The following TLN2 variants were observed in gnomAD, a reference collection of about 807,000 sequenced individuals.
The protein encoded by TLN2 is talin 2.
In TLN2, 118 loss-of-function variants were observed where a neutral mutation model predicts 294.7. The ratio of observed to expected loss-of-function variants is 0.40; its 90% CI spans 0.34 to 0.47. The LOEUF is 0.47. Ranked by LOEUF, TLN2 falls within the 20% of genes least tolerant of loss-of-function variation. The pLI is 0.84. For synonymous variants in TLN2, 1,431 were observed against 1,304.5 expected (o/e 1.10, Z -2.09); for missense variants, 3,083 against 3,282.2 (o/e 0.94, Z 1.48).
intron 1 of TLN2, among the ~76,000 whole-genome samples, chr15:62,587,412 C>G (rs2045698104): frequency 6.6e-6 from 1 of 152,156 alleles, no homozygotes; most frequent in Non-Finnish European, 1.5e-5. Flanking sequence ...GATAAACATC[C>G]TTCTAGACAT....
At chr15:62,694,008 G>A (rs181565777) in intron 13 of TLN2, among the ~76,000 whole-genome samples, 3 of 127,862 alleles carry the variant, frequency 2.3e-5, no homozygotes, top group Admixed American at 8.9e-5. Flanking sequence ...TCCCTCAGTC[G>A]CCCAGGCTGG....
rs774120515 is a variant in TLN2, at chr15:62,652,142, T to A, written c.364+8T>A. ...CTATTTGTAGCAGAATAGGTGAGCA[T>A]TCATACACCTTCATTATGTCTTTTT... On this transcript the variant is annotated splice_region_variant and intron_variant, in intron 6 of 58. Coordinates refer to ENST00000636159, the MANE Select transcript of TLN2 (RefSeq NM_015059.3). The A allele has an allele frequency of 1.3e-6, 2 of 1,533,320 alleles. No homozygotes were observed. The highest frequency in any genetic ancestry group is 2.0e-5 in the Admixed American group (1 of 50,546). The allele number at this position is 1,533,320 out of a possible 1,614,324, so 95.0% of individuals were successfully genotyped here. A position where few individuals can be genotyped will look rare whatever the true frequency, so the allele number is the denominator to read the frequency against.
chr15:62,586,227 C>T (rs2045598106), intron 1 of TLN2, among the ~76,000 whole-genome samples: 1 of 152,158 alleles, frequency 6.6e-6, no homozygotes, highest in Admixed American at 6.5e-5. Flanking sequence ...CTGGGTGGCC[C>T]ATGTGTTGTG....
chr15:62,516,673 G>A (rs2040207623), intron 1 of TLN2, among the ~76,000 whole-genome samples: 1 of 152,124 alleles, frequency 6.6e-6, no homozygotes, highest in South Asian at 2.1e-4. Flanking sequence ...TCTGCCTTTG[G>A]TACCATCAGT....
intron 1 of TLN2, among the ~76,000 whole-genome samples, chr15:62,554,590 G>C (rs2042505258): frequency 6.6e-6 from 1 of 151,748 alleles, no homozygotes; most frequent in Non-Finnish European, 1.5e-5. Context: ...AAAGGTTTAG[G>C]ATTACCTGTT....
At chr15:62,575,216 G>A (rs2044284801) in intron 1 of TLN2, among the ~76,000 whole-genome samples, 1 of 152,152 alleles carries the variant, frequency 6.6e-6, no homozygotes, top group African/African-American at 2.4e-5. Context: ...GGGAGGCTGA[G>A]GTGAGAGGTG....
intron 9 of TLN2, among the ~76,000 whole-genome samples, chr15:62,673,092 G>GTGTGTGTC (rs1555464947): frequency 2.0e-5 from 3 of 150,558 alleles, no homozygotes; most frequent in East Asian, 3.9e-4. Flanking sequence ...GTGTGTGTGT[G>GTGTGTGTC]TGTGTGTCTG....
At position 62,686,741 on chromosome 15, in the gene TLN2, A is replaced by T. The variant is rs1307329109; in HGVS notation, c.1058A>T (p.Glu353Val). 1.2e-6 allele frequency: 2 copies of T among 1,613,754 alleles called. No homozygotes were observed. The highest frequency in any genetic ancestry group is 1.7e-6 in the Non-Finnish European group (2 of 1,179,940). Residue 353 changes from glutamate (E) to valine (V), a missense_variant, in exon 12 of 59, where the codon GAG (glutamate) becomes GTG (valine). Coordinates refer to ENST00000636159, the MANE Select transcript of TLN2 (RefSeq NM_015059.3). ...GAGAAGACCAAGGAAGTGCTGCAGG[A>T]GTGGCCCCTCACCACCGTCAAGCGC... ...VDEKTKEVLQ[E>V]WPLTTVKRWA...
At chr15:62,821,241 G>A (rs530987953) in intron 54 of TLN2, among the ~76,000 whole-genome samples, 12 of 152,358 alleles carry the variant, frequency 7.9e-5, no homozygotes, top group Admixed American at 1.3e-4. Flanking sequence ...TGTCTCCAGG[G>A]GCAAAGCCCC....
At chr15:62,474,653 G>C (rs1355905849) in intron 1 of TLN2, among the ~76,000 whole-genome samples, 1 of 152,064 alleles carries the variant, frequency 6.6e-6, no homozygotes. Flanking sequence ...AAAAGAATAA[G>C]GAATAATGTG....
chr15:62,725,248 G>A, intron 27 of TLN2, 144 bp downstream of exon 27: 5 of 1,262,040 alleles, frequency 4.0e-6, no homozygotes, highest in Non-Finnish European at 5.3e-6. Context: ...AATGCCCAGG[G>A]CAGCTGGAGG....
chr15:62,827,060 A>G (rs528324094), intron 54 of TLN2, among the ~76,000 whole-genome samples: 1 of 80,462 alleles, frequency 1.2e-5, no homozygotes, highest in South Asian at 8.1e-4. Flanking sequence ...CTCTCAACAA[A>G]GCATTCCCTC....
chr15:62,797,371 C>T lies in TLN2; in HGVS notation c.6203C>T (p.Ala2068Val), dbSNP rs1444851671. Residue 2068 changes from alanine (A) to valine (V), a missense_variant, in exon 48 of 59, where the codon GCC (alanine) becomes GTC (valine). By Grantham distance (64) the Ala-to-Val change is moderately conservative. Transcript: ENST00000636159. ...GCAGAAGTGGTCAAGCTGGGGGCAG[C>T]CAGCCTGGGCTCCGACGACCCCGAG... Reference protein sequence around the residue: ...QLAEVVKLGAASLGSDDPETQ... With the variant: ...QLAEVVKLGAVSLGSDDPETQ... 6.2e-7 allele frequency: 1 copy of T among 1,607,922 alleles called. No homozygotes were observed. Among genetic ancestry groups the T allele is most frequent in the Non-Finnish European group, 8.5e-7 (1 of 1,177,270 alleles).
intron 2 of TLN2, among the ~76,000 whole-genome samples, chr15:62,599,941 G>A (rs1004335343): frequency 1.3e-5 from 2 of 152,098 alleles, no homozygotes; most frequent in African/African-American, 2.4e-5. Flanking sequence ...TGACTTGGGC[G>A]TTGTTCTGTT....
chr15:62,619,840 ATTG>A (rs1555448155), intron 3 of TLN2, among the ~76,000 whole-genome samples: 1 of 152,100 alleles, frequency 6.6e-6, no homozygotes, highest in Non-Finnish European at 1.5e-5. Flanking sequence ...ACAAATTCCT[ATTG>A]TTTTAGGACA....
At chr15:62,661,022 TG>T (rs1225534188) in intron 9 of TLN2, among the ~76,000 whole-genome samples, 1 of 152,152 alleles carries the variant, frequency 6.6e-6, no homozygotes, top group Non-Finnish European at 1.5e-5. Flanking sequence ...GACGCAATGT[TG>T]ATTAAAGAAA....
chr15:62,676,782 T>C (rs986445573), intron 11 of TLN2, among the ~76,000 whole-genome samples: 4 of 152,144 alleles, frequency 2.6e-5, no homozygotes, highest in African/African-American at 9.7e-5. Context: ...ACCCGGCTGA[T>C]TTTTTGTATT....
At chr15:62,582,025 G>C (rs186118729) in intron 1 of TLN2, among the ~76,000 whole-genome samples, 187 of 149,784 alleles carry the variant, frequency 1.2e-3, no homozygotes, top group African/African-American at 3.6e-3. Context: ...GCCTGGGCAA[G>C]AAGAGTGAAA....
chr15:62,487,604 G>A (rs1315523466), intron 1 of TLN2, among the ~76,000 whole-genome samples: 1 of 152,186 alleles, frequency 6.6e-6, no homozygotes, highest in Non-Finnish European at 1.5e-5. Flanking sequence ...TGGCCGAGGT[G>A]GGAAGCTCAC....
Sources: gnomAD v4.1 joint callset for allele counts (sites outside exome capture counted in the v4.1 genomes callset) on GRCh38, gnomAD v4.1.1 for gene constraint, MANE v1.5 for transcripts, NCBI Gene and HGNC (gene_info 2026-07-23, HGNC 2026-07-21) for gene names.